The following ADARB2 variants were observed in gnomAD, a reference collection of about 807,000 sequenced individuals.
The protein encoded by ADARB2 is adenosine deaminase RNA specific B2 (inactive).
In ADARB2, 25 loss-of-function variants were observed where a neutral mutation model predicts 62.2. The observed-to-expected ratio is 0.40, with a 90% confidence interval of 0.29 to 0.56. The LOEUF is 0.56. Ranked by LOEUF, ADARB2 falls within the 20% of genes least tolerant of loss-of-function variation. The probability of loss-of-function intolerance (pLI) is 0.43; values close to 1 mark genes in which losing one functional copy is unlikely to be tolerated. For missense variants in ADARB2, 1,071 were observed against 1,077.4 expected (o/e 0.99, Z 0.08); for synonymous variants, 572 against 500.8 (o/e 1.14, Z -1.90).
chr10:1,218,583 G>A (rs962084995), intron 6 of ADARB2, among the ~76,000 whole-genome samples: 3 of 152,114 alleles, frequency 2.0e-5, no homozygotes, highest in African/African-American at 2.4e-5. Flanking sequence ...GCTGGGATCC[G>A]TGTCCCCACT....
At chr10:1,359,071 A>AT (rs1426258283) in intron 3 of ADARB2, among the ~76,000 whole-genome samples, 1 of 152,206 alleles carries the variant, frequency 6.6e-6, no homozygotes, top group Admixed American at 6.5e-5. Context: ...TGATTTTATC[A>AT]TTTTTTATGA....
intron 5 of ADARB2, among the ~76,000 whole-genome samples, chr10:1,240,951 C>A (rs1830914767): frequency 6.6e-6 from 1 of 152,204 alleles, no homozygotes; most frequent in Non-Finnish European, 1.5e-5. Flanking sequence ...ACCTGTGGCT[C>A]CCTGCTCAGA....
chr10:1,615,437 C>G (rs1176839747), intron 1 of ADARB2, among the ~76,000 whole-genome samples: 1 of 152,248 alleles, frequency 6.6e-6, no homozygotes, highest in Non-Finnish European at 1.5e-5. Flanking sequence ...ACCCACCACC[C>G]AGAGGCCCAG....
chr10:1,295,672 C>T (rs773603899), intron 3 of ADARB2, among the ~76,000 whole-genome samples: 1 of 151,604 alleles, frequency 6.6e-6, no homozygotes, highest in Non-Finnish European at 1.5e-5. Context: ...TCAGAAATAG[C>T]AGAATGCATG....
At chr10:1,417,963 A>G (rs923925393) in intron 1 of ADARB2, among the ~76,000 whole-genome samples, 2 of 152,234 alleles carry the variant, frequency 1.3e-5, no homozygotes, top group African/African-American at 4.8e-5. Context: ...TACAGATCAC[A>G]ATGTTTAGAA....
intron 4 of ADARB2, among the ~76,000 whole-genome samples, chr10:1,257,884 A>G (rs895375673): frequency 6.6e-6 from 1 of 152,212 alleles, no homozygotes; most frequent in Non-Finnish European, 1.5e-5. Flanking sequence ...CAGGGAGTGT[A>G]AACCATGACC....
At chr10:1,601,545 C>T (rs1192803488) in intron 1 of ADARB2, among the ~76,000 whole-genome samples, 1 of 152,196 alleles carries the variant, frequency 6.6e-6, no homozygotes, top group African/African-American at 2.4e-5. Context: ...GAGCTGGCCT[C>T]ACAGGAAAAA....
In ADARB2 at chr10:1,203,153, A is replaced by G. The variant is rs1837009640; in HGVS notation, c.1683-3006T>C. ...TTACTGCAATGTTGACAGAAAAAAAACCCATGTCTAGTTTTCAATATAGAT... is the reference window on the plus strand; with the variant it reads ...TTACTGCAATGTTGACAGAAAAAAAGCCCATGTCTAGTTTTCAATATAGAT... On this transcript the variant is annotated intron_variant, in intron 7 of 9. Coordinates refer to ENST00000381312, the MANE Select transcript of ADARB2 (RefSeq NM_018702.4). Among the ~76,000 whole-genome samples, 9 of 152,190 alleles carry G rather than the reference A, an allele frequency of 5.9e-5. 1 individual carries two copies. Among genetic ancestry groups the G allele is most frequent in the Admixed American group, 5.9e-4 (9 of 15,264 alleles).
chr10:1,552,496 G>A (rs1039995526), intron 1 of ADARB2, among the ~76,000 whole-genome samples: 1 of 152,238 alleles, frequency 6.6e-6, no homozygotes, highest in South Asian at 2.1e-4. Context: ...GAACATGGGC[G>A]GCTGTCCTGC....
intron 1 of ADARB2, among the ~76,000 whole-genome samples, chr10:1,735,692 G>A (rs1238963504): frequency 3.3e-5 from 5 of 152,176 alleles, no homozygotes; most frequent in Non-Finnish European, 7.3e-5. Flanking sequence ...CGCACACTTA[G>A]CAGCTGAGAG....
At chr10:1,276,644 A>G (rs35065951) in intron 3 of ADARB2, among the ~76,000 whole-genome samples, 1 of 151,852 alleles carries the variant, frequency 6.6e-6, no homozygotes, top group Non-Finnish European at 1.5e-5. Context: ...TAGACTCCCA[A>G]ACAATAATAA....
intron 1 of ADARB2, among the ~76,000 whole-genome samples, chr10:1,400,678 C>A (rs552940789): frequency 1.3e-5 from 2 of 152,346 alleles, no homozygotes; most frequent in South Asian, 4.1e-4. Context: ...CGCAGTGCTC[C>A]ATGGCACTGA....
chr10:1,205,429 G>A (rs113460996), intron 7 of ADARB2, among the ~76,000 whole-genome samples: 3,252 of 132,488 alleles, frequency 0.025, 68 homozygotes, highest in Non-Finnish European at 0.039. Context: ...GGAGCCCGTG[G>A]CACAGCCTGA....
chr10:1,367,703 G>A (rs1832325438), intron 2 of ADARB2, among the ~76,000 whole-genome samples: 1 of 152,172 alleles, frequency 6.6e-6, no homozygotes. Context: ...GATTTGCCTG[G>A]TACTCTGTAA....
intron 3 of ADARB2, among the ~76,000 whole-genome samples, chr10:1,356,371 C>G (rs1832195373): frequency 2.6e-5 from 4 of 152,214 alleles, no homozygotes; most frequent in African/African-American, 9.6e-5. Context: ...AGGCAGCCAG[C>G]TGGGGTGGAA....
intron 8 of ADARB2, among the ~76,000 whole-genome samples, chr10:1,192,431 T>C (rs1330984795): frequency 6.6e-6 from 1 of 152,226 alleles, no homozygotes; most frequent in Non-Finnish European, 1.5e-5. Context: ...AAATTTAATG[T>C]GGACTTATGG....
Position 1,220,323 on chromosome 10 carries a change from GGTGGTGGTGATGGATGATGGTGATT to G in ADARB2, c.1514-3229_1514-3205del, listed in dbSNP as rs1469364830. 1.0e-3 allele frequency among the ~76,000 whole-genome samples: 138 copies of G among 137,586 alleles called. 2 individuals are homozygous for G. In the East Asian group the frequency reaches 0.032, roughly 32 times the overall value. 90.3% of individuals were successfully genotyped at this position (137,586 alleles called of 152,430 possible). A position where few individuals can be genotyped will look rare whatever the true frequency, so the allele number is the denominator to read the frequency against. On this transcript the variant is annotated intron_variant, in intron 6 of 9. Transcript: ENST00000381312. ...TGGTGGTGATGGTGGTAATGGTGAT[GGTGGTGGTGATGGATGATGGTGATT>G]GTGGTGATGATGGTGATGATGATGG...
intron 4 of ADARB2, among the ~76,000 whole-genome samples, chr10:1,249,639 C>CACAT (rs933788418): frequency 2.0e-5 from 3 of 151,634 alleles, no homozygotes; most frequent in African/African-American, 7.3e-5. Flanking sequence ...CACACACACA[C>CACAT]ATACACACGA....
intron 3 of ADARB2, among the ~76,000 whole-genome samples, chr10:1,355,488 G>C (rs1258816379): frequency 6.6e-6 from 1 of 152,222 alleles, no homozygotes; most frequent in Non-Finnish European, 1.5e-5. Flanking sequence ...GCGTTACTGT[G>C]CATGTAAAGC....
Sources: gnomAD v4.1 joint callset for allele counts (sites outside exome capture counted in the v4.1 genomes callset) on GRCh38, gnomAD v4.1.1 for gene constraint, MANE v1.5 for transcripts, NCBI Gene and HGNC (gene_info 2026-07-23, HGNC 2026-07-21) for gene names.